The following NLGN1 variants were observed in gnomAD, a reference collection of about 807,000 sequenced individuals.
The protein encoded by NLGN1 is neuroligin-1.
In NLGN1, 12 loss-of-function variants were observed where a neutral mutation model predicts 65.5. The ratio of observed to expected loss-of-function variants is 0.18; its 90% CI spans 0.12 to 0.30. The LOEUF (loss-of-function observed/expected upper bound fraction) is 0.30. Among genes scored for constraint, NLGN1 ranks in the 10% least tolerant of loss-of-function variants. The pLI is 1.00. For synonymous variants in NLGN1, 350 were observed against 359.5 expected, an observed-to-expected ratio of 0.97 and a Z score of 0.30; for missense variants, 750 against 1,007.1, an observed-to-expected ratio of 0.74 and a Z score of 3.46.
intron 4 of NLGN1, among the ~76,000 whole-genome samples, chr3:173,868,607 G>A (rs370062702): frequency 2.8e-4 from 43 of 152,180 alleles, no homozygotes; most frequent in African/African-American, 9.9e-4. Context: ...GTGAAAGGAG[G>A]GATTCAACTG....
chr3:173,473,035 G>A (rs1206153987), intron 2 of NLGN1, among the ~76,000 whole-genome samples: 2 of 152,024 alleles, frequency 1.3e-5, no homozygotes, highest in Non-Finnish European at 2.9e-5. Context: ...ATCAAATCTG[G>A]CAATTGTGTA....
intron 3 of NLGN1, among the ~76,000 whole-genome samples, chr3:173,623,759 T>C (rs967274126): frequency 6.6e-6 from 1 of 152,054 alleles, no homozygotes; most frequent in Admixed American, 6.6e-5. Context: ...AAAAGTGTTT[T>C]AGGAAGATTA....
chr3:174,108,438 T>C lies in NLGN1; in HGVS notation c.647-166877T>C, dbSNP rs114715206. ...GGTACCTCTTTTTCAATACCAAGCC[T>C]GGACTATATGAGGCATAAAGAAAAC... On this transcript the variant is annotated intron_variant, in intron 4 of 6. Transcript: ENST00000457714. 9.3e-3 allele frequency among the ~76,000 whole-genome samples: 1,417 copies of C among 152,130 alleles called. 17 individuals are homozygous for C. The highest frequency in any genetic ancestry group is 0.032 in the African/African-American group (1,323 of 41,516).
chr3:173,493,670 ACAGAAGGC>A (rs1729541154), intron 2 of NLGN1, among the ~76,000 whole-genome samples: 1 of 151,868 alleles, frequency 6.6e-6, no homozygotes, highest in African/African-American at 2.4e-5. Context: ...AAATTGAGGC[ACAGAAGGC>A]CAAATACTTT....
chr3:173,729,226 T>G (rs950437075), intron 3 of NLGN1, among the ~76,000 whole-genome samples: 2 of 152,070 alleles, frequency 1.3e-5, no homozygotes, highest in South Asian at 4.1e-4. Context: ...TGCTGAGCAA[T>G]TCCCAGAAAA....
chr3:174,144,037 A>C lies in NLGN1; in HGVS notation c.647-131278A>C, dbSNP rs1189454626. The stretch of plus-strand genomic sequence containing the variant: ...ACCCATCAACCCATCATCTACATTA[A>C]GTATTTCTCCTAATGCTATCCTCCC... On this transcript the variant is annotated intron_variant, in intron 4 of 6. Coordinates refer to ENST00000457714, the Ensembl canonical transcript of NLGN1. Among the ~76,000 whole-genome samples the C allele has an allele frequency of 2.0e-5, 3 of 152,146 alleles. No homozygotes were observed. The East Asian group carries it at 5.8e-4, about 30-fold the overall frequency.
intron 3 of NLGN1, among the ~76,000 whole-genome samples, chr3:173,652,526 G>C (rs1216799625): frequency 6.6e-6 from 1 of 151,952 alleles, no homozygotes; most frequent in East Asian, 1.9e-4. Flanking sequence ...CCTTTCCCTG[G>C]TGTACGTTTT....
chr3:173,615,902 G>A (rs147872552), intron 3 of NLGN1, among the ~76,000 whole-genome samples: 161 of 151,864 alleles, frequency 1.1e-3, no homozygotes, highest in Non-Finnish European at 2.0e-3. Context: ...TCTCACTTTT[G>A]TTGGAAGTCT....
At chr3:173,772,547 G>A (rs1779731815) in intron 3 of NLGN1, among the ~76,000 whole-genome samples, 1 of 152,164 alleles carries the variant, frequency 6.6e-6, no homozygotes, top group Non-Finnish European at 1.5e-5. Flanking sequence ...GAACCTGGGA[G>A]ACGGAGGTTG....
chr3:173,999,221 G>A (rs1013593023), intron 4 of NLGN1, among the ~76,000 whole-genome samples: 4 of 152,088 alleles, frequency 2.6e-5, no homozygotes, highest in African/African-American at 9.7e-5. Context: ...CAAAGAAGAT[G>A]ACTGCTTATA....
At chr3:173,957,660 G>C (rs532863285) in intron 4 of NLGN1, among the ~76,000 whole-genome samples, 1 of 152,278 alleles carries the variant, frequency 6.6e-6, no homozygotes, top group South Asian at 2.1e-4. Context: ...GCTCCTTACG[G>C]GTTGGACTCT....
In NLGN1 at chr3:173,941,706, T is replaced by C. The variant is rs140934598; in HGVS notation, c.646+133874T>C. 2.7e-3 allele frequency among the ~76,000 whole-genome samples: 408 copies of C among 151,976 alleles called. 1 individual carries two copies. The highest frequency in any genetic ancestry group is 4.6e-3 in the Non-Finnish European group (313 of 67,988). ...TGTATATATATAGTGTGTATATATA[T>C]ATAAATACTATATATTTGTAGAAAA... On this transcript the variant is annotated intron_variant, in intron 4 of 6. Transcript: ENST00000457714.
At position 173,646,345 on chromosome 3, in the gene NLGN1, T is replaced by G. The variant is rs1479421533; in HGVS notation, c.493+41254T>G. ...GTTTCCTGCTACTGAAGCAAGAGCT[T>G]CCTAAGTACACTACCCCATGCCTCA... On this transcript the variant is annotated intron_variant, in intron 3 of 6. Coordinates refer to ENST00000457714, the Ensembl canonical transcript of NLGN1. Among the ~76,000 whole-genome samples the G allele has an allele frequency of 4.6e-5, 7 of 152,274 alleles. No individual in the cohort carries two copies. The East Asian group carries it at 1.4e-3, about 29-fold the overall frequency.
intron 4 of NLGN1, among the ~76,000 whole-genome samples, chr3:173,909,086 T>C (rs570240596): frequency 6.6e-6 from 1 of 152,206 alleles, no homozygotes; most frequent in Non-Finnish European, 1.5e-5. Flanking sequence ...TAGAACATTG[T>C]CTCCCAAGAT....
At chr3:173,733,873 A>AT (rs1374491655) in intron 3 of NLGN1, among the ~76,000 whole-genome samples, 1 of 152,138 alleles carries the variant, frequency 6.6e-6, no homozygotes, top group African/African-American at 2.4e-5. Context: ...CAACAAGAAA[A>AT]TAAAAACATT....
At chr3:173,982,066 A>T (rs1300676696) in intron 4 of NLGN1, among the ~76,000 whole-genome samples, 1 of 152,166 alleles carries the variant, frequency 6.6e-6, no homozygotes, top group Admixed American at 6.6e-5. Flanking sequence ...TCCTTAATTT[A>T]TGAGCAAGGA....
chr3:173,648,528 A>G (rs1758636138), intron 3 of NLGN1, among the ~76,000 whole-genome samples: 1 of 152,148 alleles, frequency 6.6e-6, no homozygotes, highest in Non-Finnish European at 1.5e-5. Context: ...GTAAAATGAT[A>G]CAACCACTTT....
At chr3:174,208,511 A>G (rs900163899) in intron 4 of NLGN1, among the ~76,000 whole-genome samples, 1 of 152,202 alleles carries the variant, frequency 6.6e-6, no homozygotes, top group African/African-American at 2.4e-5. Context: ...GTCTAGGGTC[A>G]GATATAGGGC....
chr3:174,066,780 C>G (rs1738703159), intron 4 of NLGN1, among the ~76,000 whole-genome samples: 1 of 152,106 alleles, frequency 6.6e-6, no homozygotes, highest in Admixed American at 6.6e-5. Context: ...GACCTTAAAT[C>G]TAAATGACTT....
Sources: allele counts gnomAD v4.1 joint callset (sites outside exome capture counted in the v4.1 genomes callset), GRCh38; gene constraint gnomAD v4.1.1; transcripts MANE v1.5; gene names NCBI Gene and HGNC (gene_info 2026-07-23, HGNC 2026-07-21).